Variants in F2R observed in about 807,000 individuals in gnomAD.
F2R encodes the protein proteinase-activated receptor 1.
In F2R, 12 loss-of-function variants were observed where a neutral mutation model predicts 18.3. That is an observed-to-expected ratio of 0.66 (90% CI 0.42 to 1.06). The LOEUF is 1.06. F2R is among the 50% of genes least tolerant of loss of function. The probability of loss-of-function intolerance (pLI) is 0.00; values close to 1 mark genes in which losing one functional copy is unlikely to be tolerated. For synonymous variants in F2R, 210 were observed against 219.9 expected (o/e 0.95, Z 0.40); for missense variants, 438 against 530.8 (o/e 0.83, Z 1.72).
At position 76,733,789 on chromosome 5, in the gene F2R, GTGTATA is replaced by G; in HGVS notation, c.*291_*296del. The G allele has an allele frequency of 2.5e-6, 1 of 397,674 alleles. No homozygotes were observed. The highest frequency in any genetic ancestry group is 2.0e-5 in the African/African-American group (1 of 49,346). The allele number at this position is 397,674 out of a possible 1,614,324, so 24.6% of individuals were successfully genotyped here. A position where few individuals can be genotyped will look rare whatever the true frequency, so the allele number is the denominator to read the frequency against. On this transcript the variant is annotated 3_prime_UTR_variant, in exon 2 of 2. Transcript: ENST00000319211. ...AGGTGACATATACATACTTACATGT[GTGTATA>G]TGTAGATGTATGCACACACATATAT...
chr5:76,720,981 A>AT (rs1346287206), intron 1 of F2R, among the ~76,000 whole-genome samples: 2 of 152,030 alleles, frequency 1.3e-5, no homozygotes, highest in Non-Finnish European at 2.9e-5. Context: ...TAATTTTTGT[A>AT]TTTTTAGTAG....
chr5:76,729,774 C>T (rs1472936509), intron 1 of F2R, among the ~76,000 whole-genome samples: 1 of 152,178 alleles, frequency 6.6e-6, no homozygotes, highest in Admixed American at 6.5e-5. Flanking sequence ...TATGTCCCCA[C>T]CCAAATCTCA....
chr5:76,720,530 T>C (rs1468969803), intron 1 of F2R, among the ~76,000 whole-genome samples: 1 of 152,064 alleles, frequency 6.6e-6, no homozygotes, highest in African/African-American at 2.4e-5. Flanking sequence ...TCACATAACA[T>C]AAAATTAACC....
In F2R at chr5:76,732,832, G is replaced by T; in HGVS notation, c.607G>T (p.Ala203Ser). 6.2e-7 allele frequency: 1 copy of T among 1,614,168 alleles called. No homozygotes were observed. Among genetic ancestry groups the T allele is most frequent in the Non-Finnish European group, 8.5e-7 (1 of 1,180,050 alleles). ...AGTCATAAGCATTGACCGGTTTCTG[G>T]CTGTGGTGTATCCCATGCAGTCCCT... ...MTVISIDRFL[A>S]VVYPMQSLSW... Residue 203 changes from alanine (A) to serine (S), a missense_variant, in exon 2 of 2, where the codon GCT (alanine) becomes TCT (serine). By Grantham distance (99) the Ala-to-Ser change is moderately conservative. Coordinates refer to ENST00000319211, the MANE Select transcript of F2R (RefSeq NM_001992.5).
intron 1 of F2R, among the ~76,000 whole-genome samples, chr5:76,721,517 A>G (rs1748455910): frequency 6.6e-6 from 1 of 152,252 alleles, no homozygotes. Flanking sequence ...AACAGGAGTA[A>G]TCTGCAATTT....
At chr5:76,727,045 C>A (rs2150582111) in intron 1 of F2R, among the ~76,000 whole-genome samples, 1 of 152,274 alleles carries the variant, frequency 6.6e-6, no homozygotes, top group South Asian at 2.1e-4. Flanking sequence ...ATATAATATA[C>A]AACTTGTTCA....
intron 1 of F2R, among the ~76,000 whole-genome samples, chr5:76,722,673 T>C (rs1394172234): frequency 3.3e-5 from 5 of 152,084 alleles, no homozygotes; most frequent in Non-Finnish European, 7.4e-5. Flanking sequence ...TACCTTTAGG[T>C]TGGGCACGGT....
chr5:76,725,976 G>T (rs997494670), intron 1 of F2R, among the ~76,000 whole-genome samples: 2 of 152,160 alleles, frequency 1.3e-5, no homozygotes, highest in African/African-American at 4.8e-5. Flanking sequence ...AGTCTCTCAG[G>T]TGTCATCTTG....
intron 1 of F2R, among the ~76,000 whole-genome samples, chr5:76,720,499 A>G (rs1352287676): frequency 6.6e-6 from 1 of 152,118 alleles, no homozygotes; most frequent in Admixed American, 6.5e-5. Context: ...AAAAAATAAA[A>G]TAATAAAATT....
intron 1 of F2R, among the ~76,000 whole-genome samples, chr5:76,720,757 A>G (rs1748434559): frequency 6.6e-6 from 1 of 152,142 alleles, no homozygotes; most frequent in Admixed American, 6.5e-5. Context: ...ATAGAATCAT[A>G]TAATATGTGG....
In F2R at chr5:76,733,329, C is replaced by T. The variant is rs1748716128; in HGVS notation, c.1104C>T (p.Pro368=). The T allele has an allele frequency of 1.2e-6, 2 of 1,614,078 alleles. No individual in the cohort carries two copies. The highest frequency in any genetic ancestry group is 1.3e-5 in the African/African-American group (1 of 74,930). The change falls in exon 2 of 2, where the codon CCC becomes CCT. Residue 368 remains proline, a synonymous_variant. Coordinates refer to ENST00000319211, the MANE Select transcript of F2R (RefSeq NM_001992.5). ...CVSSISCCID[P]LIYYYASSEC... is the part of the protein sequence containing the mutation. ...GCAGCATAAGCTGCTGCATCGACCC[C>T]CTAATTTACTATTACGCTTCCTCTG...
chr5:76,725,809 C>A (rs1435446623), intron 1 of F2R, among the ~76,000 whole-genome samples: 1 of 152,112 alleles, frequency 6.6e-6, no homozygotes, highest in African/African-American at 2.4e-5. Context: ...TCGGAAGTAC[C>A]GTCTGCCTGA....
At chr5:76,731,508 CT>C (rs112086507) in intron 1 of F2R, among the ~76,000 whole-genome samples, 4,145 of 140,896 alleles carry the variant, frequency 0.029, 82 homozygotes, top group African/African-American at 0.062. Flanking sequence ...ATCCCCTCTA[CT>C]TTTTTTTTTT....
intron 1 of F2R, among the ~76,000 whole-genome samples, chr5:76,720,561 T>G (rs1305867579): frequency 6.6e-6 from 1 of 152,102 alleles, no homozygotes; most frequent in African/African-American, 2.4e-5. Flanking sequence ...ATACAATTCA[T>G]TGGTATTTAG....
chr5:76,724,412 T>C (rs1345609131), intron 1 of F2R, among the ~76,000 whole-genome samples: 1 of 152,204 alleles, frequency 6.6e-6, no homozygotes, highest in Non-Finnish European at 1.5e-5. Context: ...TCAGTGTTCA[T>C]ATTTACCTTA....
chr5:76,726,375 C>CA (rs1748553077), intron 1 of F2R, among the ~76,000 whole-genome samples: 1 of 151,640 alleles, frequency 6.6e-6, no homozygotes, highest in Admixed American at 6.6e-5. Flanking sequence ...TCTAAAAATA[C>CA]AAAAAATTAG....
intron 1 of F2R, among the ~76,000 whole-genome samples, chr5:76,719,013 A>T (rs1748395123): frequency 6.6e-6 from 1 of 151,878 alleles, no homozygotes; most frequent in Admixed American, 6.6e-5. Context: ...ACCCAGCCCC[A>T]TCCTCTAGAT....
Position 76,716,364 on chromosome 5 carries a change from G to T in F2R, c.57G>T (p.Leu19=). The change falls in exon 1 of 2, where the codon CTG becomes CTT. Residue 19 remains leucine, a synonymous_variant. Transcript: ENST00000319211. ...CCTGCTTCAGTCTGTGCGGCCCGCT[G>T]TTGTCTGCCCGCACCCGGGCCCGCA... ...VAACFSLCGP[L]LSARTRARRP... is the part of the protein sequence containing the mutation. 12 of 1,464,578 alleles carry T rather than the reference G, an allele frequency of 8.2e-6. No homozygotes were observed. Among genetic ancestry groups the T allele is most frequent in the Non-Finnish European group, 1.1e-5 (12 of 1,111,366 alleles). The allele number at this position is 1,464,578 out of a possible 1,614,324, so 90.7% of individuals were successfully genotyped here.
At chr5:76,717,182 T>C (rs1450365373) in intron 1 of F2R, among the ~76,000 whole-genome samples, 1 of 152,208 alleles carries the variant, frequency 6.6e-6, no homozygotes, top group Non-Finnish European at 1.5e-5. Context: ...TTTTCCCCAC[T>C]AGTAGTCTAT....
Sources: gnomAD v4.1 joint callset for allele counts (sites outside exome capture counted in the v4.1 genomes callset) on GRCh38, gnomAD v4.1.1 for gene constraint, MANE v1.5 for transcripts, NCBI Gene and HGNC (gene_info 2026-07-23, HGNC 2026-07-21) for gene names.